The following TTC39B variants were observed in gnomAD, a reference collection of about 807,000 sequenced individuals.
The protein encoded by TTC39B is tetratricopeptide repeat domain 39B.
In TTC39B, 92 loss-of-function variants were observed where a neutral mutation model predicts 96.6. The observed-to-expected ratio is 0.95, with a 90% CI of 0.80 to 1.13. TTC39B has a LOEUF of 1.13. Among genes scored for constraint, TTC39B ranks in the 50% most tolerant of loss-of-function variants. TTC39B has a pLI of 0.00. For synonymous variants in TTC39B, 367 were observed against 299.4 expected, an observed-to-expected ratio of 1.23 and a Z score of -2.33; for missense variants, 955 against 809.3, an observed-to-expected ratio of 1.18 and a Z score of -2.18.
At chr9:15,212,589 C>A (rs1245073298) in intron 4 of TTC39B, among the ~76,000 whole-genome samples, 4 of 152,028 alleles carry the variant, frequency 2.6e-5, no homozygotes, top group Non-Finnish European at 4.4e-5. Context: ...CCATGCCTGG[C>A]TAATTTTTTG....
chr9:15,180,825 C>G (rs527943196), intron 17 of TTC39B, among the ~76,000 whole-genome samples: 2 of 152,292 alleles, frequency 1.3e-5, no homozygotes, highest in South Asian at 4.1e-4. Flanking sequence ...AAGAGGTCAT[C>G]ATAAGTTTCA....
At chr9:15,279,211 A>T (rs1003785056) in intron 1 of TTC39B, among the ~76,000 whole-genome samples, 1 of 152,062 alleles carries the variant, frequency 6.6e-6, no homozygotes, top group Non-Finnish European at 1.5e-5. Flanking sequence ...GCAAAAAGAA[A>T]CCTCCTGCAT....
chr9:15,256,484 T>C (rs1212144424), intron 2 of TTC39B, among the ~76,000 whole-genome samples: 2 of 152,214 alleles, frequency 1.3e-5, no homozygotes, highest in Non-Finnish European at 2.9e-5. Flanking sequence ...GCATGGTGCA[T>C]AGGTGCCAAG....
intron 2 of TTC39B, among the ~76,000 whole-genome samples, chr9:15,239,854 C>A (rs1821959307): frequency 6.6e-6 from 1 of 152,160 alleles, no homozygotes; most frequent in Non-Finnish European, 1.5e-5. Flanking sequence ...CAATCCCCAC[C>A]ATTATGCAAT....
At chr9:15,205,127 C>A (rs1006299241) in intron 6 of TTC39B, among the ~76,000 whole-genome samples, 4 of 152,156 alleles carry the variant, frequency 2.6e-5, no homozygotes, top group African/African-American at 9.7e-5. Context: ...CCACTAACGC[C>A]GCCTCTAGTT....
intron 8 of TTC39B, among the ~76,000 whole-genome samples, chr9:15,194,899 C>T (rs1333665976): frequency 6.6e-6 from 1 of 152,182 alleles, no homozygotes; most frequent in African/African-American, 2.4e-5. Flanking sequence ...CTCCCTATTC[C>T]CTCAGACAAA....
intron 2 of TTC39B, among the ~76,000 whole-genome samples, chr9:15,262,849 A>C (rs1268397985): frequency 6.6e-6 from 1 of 152,210 alleles, no homozygotes; most frequent in African/African-American, 2.4e-5. Flanking sequence ...TGCTCTCTGC[A>C]CCAGAAACAT....
chr9:15,298,669 GACTC>G (rs1212409605), intron 1 of TTC39B, among the ~76,000 whole-genome samples: 3 of 152,108 alleles, frequency 2.0e-5, no homozygotes, highest in African/African-American at 7.2e-5. Context: ...TGTGAGCTAT[GACTC>G]AAGATGAGAT....
Position 15,233,070 on chromosome 9 carries a change from G to T in TTC39B, c.276-7058C>A, listed in dbSNP as rs548234780. ...CGATAGGACAGCTGTAGATCCTGTTGCGGACACCCAGCCGGGCAGTTGGAG... is the reference window on the plus strand; with the variant it reads ...CGATAGGACAGCTGTAGATCCTGTTTCGGACACCCAGCCGGGCAGTTGGAG... On this transcript the variant is annotated intron_variant, in intron 2 of 19. Transcript: ENST00000512701. Among the ~76,000 whole-genome samples, 17 of 152,204 alleles carry T rather than the reference G, an allele frequency of 1.1e-4. No homozygotes were observed. The South Asian group carries it at 3.3e-3, about 30-fold the overall frequency.
chr9:15,234,761 G>A lies in TTC39B; in HGVS notation c.276-8749C>T, dbSNP rs557655579. Among the ~76,000 whole-genome samples the A allele has an allele frequency of 4.7e-3, 710 of 151,788 alleles. 1 individual carries two copies. Among genetic ancestry groups the A allele is most frequent in the Non-Finnish European group, 5.8e-3 (396 of 67,894 alleles). Reference sequence around the variant, plus strand: ...CCCTGTGCTCTCTGAAACATGTGCTGTGTCCACTCAGGGTTAAATGGATTA... The same window carrying A: ...CCCTGTGCTCTCTGAAACATGTGCTATGTCCACTCAGGGTTAAATGGATTA... On this transcript the variant is annotated intron_variant, in intron 2 of 19. Coordinates refer to ENST00000512701, the Ensembl canonical transcript of TTC39B.
At chr9:15,227,410 T>C (rs966710704) in intron 2 of TTC39B, among the ~76,000 whole-genome samples, 17 of 152,210 alleles carry the variant, frequency 1.1e-4, no homozygotes, top group Non-Finnish European at 1.5e-5. Context: ...TCTAATATTT[T>C]ACACTAGACA....
chr9:15,264,388 A>T (rs1335677772), intron 2 of TTC39B, among the ~76,000 whole-genome samples: 1 of 152,196 alleles, frequency 6.6e-6, no homozygotes, highest in Admixed American at 6.5e-5. Flanking sequence ...GCAGTGGCTC[A>T]TGCCTGTAAT....
At chr9:15,263,006 G>A (rs1563772538) in intron 2 of TTC39B, among the ~76,000 whole-genome samples, 1 of 152,180 alleles carries the variant, frequency 6.6e-6, no homozygotes, top group African/African-American at 2.4e-5. Flanking sequence ...CAAACAAAAA[G>A]TTCACATAAA....
At chr9:15,169,864 A>G (rs1207117309) in exon 20 of TTC39B, 2 of 152,126 alleles carry the variant, frequency 1.3e-5, no homozygotes, top group African/African-American at 4.8e-5. Flanking sequence ...TAAGCTTAAA[A>G]CTGTTTCATT....
At chr9:15,222,256 T>A (rs1467901939) in intron 3 of TTC39B, among the ~76,000 whole-genome samples, 1 of 152,182 alleles carries the variant, frequency 6.6e-6, no homozygotes, top group East Asian at 1.9e-4. Flanking sequence ...AGCTGGGAAA[T>A]CTGTCCTGCA....
At chr9:15,205,232 C>G (rs969039831) in intron 6 of TTC39B, among the ~76,000 whole-genome samples, 9 of 152,170 alleles carry the variant, frequency 5.9e-5, no homozygotes, top group Non-Finnish European at 1.2e-4. Flanking sequence ...AGATTACTGC[C>G]CATGATCCGT....
At chr9:15,168,683 G>A (rs552574687) in exon 20 of TTC39B, 2 of 152,432 alleles carry the variant, frequency 1.3e-5, no homozygotes, top group East Asian at 3.9e-4. Flanking sequence ...GTGGTGGCGG[G>A]CGCCTGTAGT....
intron 1 of TTC39B, among the ~76,000 whole-genome samples, chr9:15,275,453 GA>G (rs1823506311): frequency 6.6e-6 from 1 of 152,188 alleles, no homozygotes; most frequent in Admixed American, 6.5e-5. Flanking sequence ...TCTAATAGTA[GA>G]AACTGGGGAT....
At chr9:15,246,477 T>G (rs1383838790) in intron 2 of TTC39B, among the ~76,000 whole-genome samples, 4 of 152,102 alleles carry the variant, frequency 2.6e-5, no homozygotes, top group African/African-American at 4.8e-5. Flanking sequence ...TGTGGTAGAT[T>G]ATAAACGGCC....
Sources: gnomAD v4.1 joint callset for allele counts (sites outside exome capture counted in the v4.1 genomes callset) on GRCh38, gnomAD v4.1.1 for gene constraint, MANE v1.5 for transcripts, NCBI Gene and HGNC (gene_info 2026-07-23, HGNC 2026-07-21) for gene names.